DDHD2: variants seen among roughly 807,000 people sequenced by gnomAD.
DDHD2 encodes DDHD domain containing 2.
In DDHD2, 62 loss-of-function variants were observed where a neutral mutation model predicts 91.2. The ratio of observed to expected loss-of-function variants is 0.68; its 90% CI spans 0.55 to 0.84. DDHD2 has a LOEUF of 0.84. Ranked by LOEUF, DDHD2 falls within the 40% of genes least tolerant of loss-of-function variation. DDHD2 has a pLI of 0.00. For missense variants in DDHD2, 740 were observed against 846.9 expected, an observed-to-expected ratio of 0.87 and a Z score of 1.57; for synonymous variants, 271 against 293.9, an observed-to-expected ratio of 0.92 and a Z score of 0.80.
At chr8:38,244,805 C>T (rs1353926129) in intron 7 of DDHD2, among the ~76,000 whole-genome samples, 2 of 151,918 alleles carry the variant, frequency 1.3e-5, no homozygotes, top group Non-Finnish European at 2.9e-5. Context: ...ACCTCGTGAT[C>T]TGCCCGCCTC....
intron 1 of DDHD2, chr8:38,268,667 G>A: frequency 2.1e-6 from 3 of 1,431,694 alleles, no homozygotes; most frequent in Non-Finnish European, 1.8e-6. Flanking sequence ...GGCACAGAGC[G>A]CCCGGGAAAA....
rs1442876770 is a variant in DDHD2 at position 38,260,928 on chromosome 8, G to GGTAGACA, written c.*355_*356insGTAGACA. ...CTATTTTGGGTTTGATTTGTTTTGG[G>GGTAGACA]TGGGGTAGACATGTTTTTAAGGAAC... On this transcript the variant is annotated 3_prime_UTR_variant, in exon 18 of 18. Transcript: ENST00000397166. The GGTAGACA allele has an allele frequency of 1.3e-5, 2 of 152,112 alleles. No homozygotes were observed. Among genetic ancestry groups the GGTAGACA allele is most frequent in the Non-Finnish European group, 2.9e-5 (2 of 68,020 alleles). The allele number at this position is 152,112 out of a possible 1,614,324, so 9.4% of individuals were successfully genotyped here. A position where few individuals can be genotyped will look rare whatever the true frequency, so the allele number is the denominator to read the frequency against.
At chr8:38,238,770 G>T in intron 5 of DDHD2, 1 of 783,998 alleles carries the variant, frequency 1.3e-6, no homozygotes, top group Non-Finnish European at 1.5e-6. Flanking sequence ...CTAGATAAAA[G>T]TATTTTATCA....
At chr8:38,259,531 G>A (rs1297736445) in intron 16 of DDHD2, among the ~76,000 whole-genome samples, 1 of 152,134 alleles carries the variant, frequency 6.6e-6, no homozygotes, top group Admixed American at 6.5e-5. Context: ...GACTACAGGC[G>A]CATACCACCA....
In DDHD2 at chr8:38,252,825, G is replaced by A. The variant is rs1554515767; in HGVS notation, c.1720+1G>A. 1.9e-6 allele frequency: 3 copies of A among 1,613,656 alleles called. No individual in the cohort carries two copies. The highest frequency in any genetic ancestry group is 2.5e-6 in the Non-Finnish European group (3 of 1,179,734). ...AAAGGCAGGAAGCGGATGCACTTAG[G>A]TAAGTCCGAGCATAGAACTTGATAA... is the stretch of plus-strand genomic sequence containing the variant. On this transcript the variant is annotated splice_donor_variant, in intron 14 of 17. Coordinates refer to ENST00000397166, the MANE Select transcript of DDHD2 (RefSeq NM_015214.3). LOFTEE classifies it high-confidence loss of function.
At chr8:38,260,179 A>G in intron 17 of DDHD2, 32 bp downstream of exon 17, 2 of 1,158,784 alleles carry the variant, frequency 1.7e-6, no homozygotes, top group South Asian at 1.3e-5. Context: ...ATATAGTGTA[A>G]TTCTTACATA....
At position 38,261,927 on chromosome 8, in the gene DDHD2, A is replaced by T. The variant is rs973434827; in HGVS notation, c.*1354A>T. On this transcript the variant is annotated 3_prime_UTR_variant, in exon 18 of 18. Coordinates refer to ENST00000397166, the MANE Select transcript of DDHD2 (RefSeq NM_015214.3). ...GCGAGCTGTGGTTTATTGTTTATAA[A>T]TTTTTTTATAAATGTTATGGTATTC... 9.9e-5 allele frequency: 15 copies of T among 152,106 alleles called. No individual in the cohort carries two copies. Among genetic ancestry groups the T allele is most frequent in the Non-Finnish European group, 1.8e-4 (12 of 68,014 alleles). The allele number at this position is 152,106 out of a possible 1,614,324, so 9.4% of individuals were successfully genotyped here. A position where few individuals can be genotyped will look rare whatever the true frequency, so the allele number is the denominator to read the frequency against.
chr8:38,267,701 G>T, downstream of DDHD2: 1 of 656,766 alleles, frequency 1.5e-6, no homozygotes, highest in Non-Finnish European at 2.6e-6. Flanking sequence ...ATGCTGTTCA[G>T]GCAGAAAAGA....
chr8:38,236,214 G>C (rs1303291546), intron 3 of DDHD2, among the ~76,000 whole-genome samples: 1 of 150,536 alleles, frequency 6.6e-6, no homozygotes, highest in Non-Finnish European at 1.5e-5. Flanking sequence ...GGGTTTCACC[G>C]TGTTAGCCAG....
chr8:38,266,355 G>A (rs1438654558), downstream of DDHD2: 4 of 1,550,022 alleles, frequency 2.6e-6, no homozygotes, highest in African/African-American at 5.4e-5. Context: ...TTTAAAGGAA[G>A]CTACCTCATT....
rs1289420182 is a variant in DDHD2 at position 38,234,531 on chromosome 8, G to C, written c.358G>C (p.Asp120His). 5.6e-6 allele frequency: 9 copies of C among 1,612,898 alleles called. No homozygotes were observed. Among genetic ancestry groups the C allele is most frequent in the Non-Finnish European group, 7.6e-6 (9 of 1,179,854 alleles). ...ACGATGTACGTGGTTTTACAAGGGG[G>C]ACAAAGACAATAAGTATGTTCCCTA... ...VRRCTWFYKG[D>H]KDNKYVPYSE... Residue 120 changes from aspartate (D) to histidine (H), a missense_variant, in exon 3 of 18, where the codon GAC becomes CAC. Physicochemically the swap from Asp to His is moderately conservative, Grantham distance 81. Around this residue, in one of 2 missense-constraint regions of DDHD2, gnomAD observed 693 missense variants for 764.2 expected, o/e 0.91. Coordinates refer to ENST00000397166, the MANE Select transcript of DDHD2 (RefSeq NM_015214.3).
chr8:38,238,099 A>G lies in DDHD2; in HGVS notation c.512A>G (p.His171Arg), dbSNP rs188349300. 6.2e-7 allele frequency: 1 copy of G among 1,610,050 alleles called. No homozygotes were observed. Among genetic ancestry groups the G allele is most frequent in the East Asian group, 2.2e-5 (1 of 44,850 alleles). Residue 171 changes from histidine (H) to arginine (R), a missense_variant, in exon 5 of 18, where the codon CAT becomes CGT. Transcript: ENST00000397166. ...TCTGTTCTGTTTAAGCTTATGGTGCATTACCAGCCAGTTGCAGGGTCTGAT... is the reference window on the plus strand; with the variant it reads ...TCTGTTCTGTTTAAGCTTATGGTGCGTTACCAGCCAGTTGCAGGGTCTGAT... The part of the protein sequence containing the change: ...IILHNPKLMV[H>R]YQPVAGSDDW...
downstream of DDHD2, chr8:38,272,506 C>T (rs988161837): frequency 6.6e-6 from 1 of 152,318 alleles, no homozygotes; most frequent in East Asian, 1.9e-4. Flanking sequence ...ATTCTTCCCT[C>T]GCAGCAGTGG....
rs776508080 is a variant in DDHD2 at position 38,251,936 on chromosome 8, C to A, written c.1369C>A (p.Pro457Thr). ...GGGTATTAAGAGACCAGCCCCGCAG[C>A]CTGCTTCAGGGGCAAACATCCCCAA... The part of the protein sequence containing the change: ...SMGIKRPAPQ[P>T]ASGANIPKES... The change falls in exon 12 of 18, where the codon CCT becomes ACT. Residue 457 changes from proline to threonine, a missense_variant. Around this residue, in one of 2 missense-constraint regions of DDHD2, gnomAD observed 693 missense variants for 764.2 expected, o/e 0.91. Transcript: ENST00000397166. The A allele has an allele frequency of 1.2e-6, 2 of 1,613,764 alleles. No homozygotes were observed. Among genetic ancestry groups the A allele is most frequent in the East Asian group, 4.5e-5 (2 of 44,884 alleles).
At chr8:38,234,652 T>A in intron 3 of DDHD2, 68 bp downstream of exon 3, 1 of 1,341,310 alleles carries the variant, frequency 7.5e-7, no homozygotes, top group Non-Finnish European at 1.0e-6. Flanking sequence ...CTTTCCTTTG[T>A]AATTTATTTT....
intron 11 of DDHD2, 36 bp from the exon 12 acceptor site, chr8:38,251,876 C>T: frequency 6.6e-7 from 1 of 1,515,302 alleles, no homozygotes; most frequent in South Asian, 1.1e-5. Context: ...TGCCGTCATG[C>T]CCAGCTTCTC....
chr8:38,271,809 T>C (rs1217224156), downstream of DDHD2: 2 of 152,368 alleles, frequency 1.3e-5, no homozygotes, highest in East Asian at 3.9e-4. Flanking sequence ...CTGTGAGGGC[T>C]CCATAGCCAC....
downstream of DDHD2, chr8:38,272,296 T>C (rs1808500443): frequency 6.6e-6 from 1 of 152,238 alleles, no homozygotes; most frequent in Non-Finnish European, 1.5e-5. Context: ...GTTCTATAGA[T>C]GAGGCCAGAT....
At chr8:38,265,264 CAAAAAAAAAA>C (rs1228103198), downstream of DDHD2, among the ~76,000 whole-genome samples, 2 of 71,016 alleles carry the variant, frequency 2.8e-5, no homozygotes, top group African/African-American at 1.1e-4. Context: ...GACTCTGTCT[CAAAAAAAAAA>C]AAAAAAAAAA....
Sources: allele counts gnomAD v4.1 joint callset (sites outside exome capture counted in the v4.1 genomes callset), GRCh38; gene constraint gnomAD v4.1.1; regional missense constraint gnomAD v4.1.1; transcripts MANE v1.5; gene names NCBI Gene and HGNC (gene_info 2026-07-23, HGNC 2026-07-21).